The following TAF8 variants were observed in gnomAD, a reference collection of about 807,000 sequenced individuals.
TAF8 encodes transcription initiation factor TFIID subunit 8.
Under a neutral mutation model 36.5 loss-of-function variants are expected in TAF8, and 47 were observed. That is an observed-to-expected ratio of 1.29 (90% CI 1.02 to 1.64). TAF8 has a LOEUF of 1.64. TAF8 is among the 40% of genes most tolerant of loss of function. TAF8 has a pLI of 0.00. For synonymous variants in TAF8, 175 were observed against 159.5 expected (o/e 1.10, Z -0.73); for missense variants, 420 against 407.6 (o/e 1.03, Z -0.26).
chr6:42,077,699 A>G lies in TAF8; in HGVS notation c.*154A>G. ...ATTTTCATGGCAAACCGTCTTATTA[A>G]GATGACCTATTTTCACTGGATGTTT... On this transcript the variant is annotated 3_prime_UTR_variant, in exon 9 of 9. Coordinates refer to ENST00000372977, the MANE Select transcript of TAF8 (RefSeq NM_138572.3). The G allele has an allele frequency of 6.7e-7, 1 of 1,486,776 alleles. No individual in the cohort carries two copies. The allele number at this position is 1,486,776 out of a possible 1,614,324, so 92.1% of individuals were successfully genotyped here.
intron 5 of TAF8, chr6:42,063,491 A>G (rs1479411042): frequency 6.6e-6 from 1 of 152,240 alleles, no homozygotes; most frequent in Non-Finnish European, 1.5e-5. Flanking sequence ...AATGTACATT[A>G]AAAGATAATC....
intron 1 of TAF8, chr6:42,050,962 GT>G: frequency 1.8e-6 from 2 of 1,105,924 alleles, no homozygotes; most frequent in Non-Finnish European, 2.2e-6. Flanking sequence ...GTCACCTCTT[GT>G]TACTGTTTTC....
chr6:42,056,045 A>G (rs774501752), intron 4 of TAF8, 31 bp downstream of exon 4: 1 of 1,426,790 alleles, frequency 7.0e-7, no homozygotes, highest in Non-Finnish European at 9.9e-7. Flanking sequence ...GTACTTAGCA[A>G]TTTTTCAATT....
chr6:42,074,510 C>A (rs992779333), intron 7 of TAF8, among the ~76,000 whole-genome samples: 1 of 152,048 alleles, frequency 6.6e-6, no homozygotes, highest in Non-Finnish European at 1.5e-5. Context: ...CTTTTTTTTA[C>A]AAATCTCTGG....
At chr6:42,054,947 GAGA>G (rs1224457863) in intron 2 of TAF8, among the ~76,000 whole-genome samples, 1 of 86,434 alleles carries the variant, frequency 1.2e-5, no homozygotes, top group Non-Finnish European at 2.3e-5. Flanking sequence ...TTTTTTTTTT[GAGA>G]AGGAGTTCTC....
At chr6:42,070,274 G>A (rs1342776929) in intron 7 of TAF8, among the ~76,000 whole-genome samples, 3 of 152,070 alleles carry the variant, frequency 2.0e-5, no homozygotes, top group African/African-American at 7.2e-5. Context: ...AGATCACGAG[G>A]TCAGGAGATC....
intron 7 of TAF8, among the ~76,000 whole-genome samples, chr6:42,076,529 G>C (rs1185841643): frequency 6.6e-6 from 1 of 152,202 alleles, no homozygotes; most frequent in East Asian, 1.9e-4. Flanking sequence ...GTACCTGCTG[G>C]CTCTGCGTCC....
chr6:42,054,287 C>T (rs1353948759), intron 2 of TAF8, among the ~76,000 whole-genome samples: 1 of 152,102 alleles, frequency 6.6e-6, no homozygotes, highest in African/African-American at 2.4e-5. Flanking sequence ...AGAAAAATTG[C>T]CCATCAGAGA....
rs1765934875 is a variant in TAF8, at chr6:42,081,812, G to A, written c.*4267G>A. The A allele has an allele frequency of 6.6e-6, 1 of 152,110 alleles. No homozygotes were observed. The highest frequency in any genetic ancestry group is 2.4e-5 in the African/African-American group (1 of 41,400). 9.4% of individuals were successfully genotyped at this position (152,110 alleles called of 1,614,324 possible). On this transcript the variant is annotated 3_prime_UTR_variant, in exon 9 of 9. Transcript: ENST00000372977. Reference sequence around the variant, plus strand: ...TGAGCCCCCGCGCCTGGCTCTTCTGGAGTATTTTTAAATGCAAACTCCAGA... The same window carrying A: ...TGAGCCCCCGCGCCTGGCTCTTCTGAAGTATTTTTAAATGCAAACTCCAGA...
At position 42,080,166 on chromosome 6, in the gene TAF8, C is replaced by T; in HGVS notation, c.*2621C>T. On this transcript the variant is annotated 3_prime_UTR_variant, in exon 9 of 9. Coordinates refer to ENST00000372977, the MANE Select transcript of TAF8 (RefSeq NM_138572.3). ...CCTGATAAGTTTATGAACACAGCCC[C>T]ACATTCAAGCCGTGGCCAATCCCAG... 1.0e-6 allele frequency: 1 copy of T among 985,378 alleles called. No homozygotes were observed. Among genetic ancestry groups the T allele is most frequent in the Non-Finnish European group, 1.2e-6 (1 of 829,958 alleles). 61.0% of individuals were successfully genotyped at this position (985,378 alleles called of 1,614,324 possible). A position where few individuals can be genotyped will look rare whatever the true frequency, so the allele number is the denominator to read the frequency against.
At chr6:42,062,427 T>G (rs1489030082) in intron 5 of TAF8, among the ~76,000 whole-genome samples, 1 of 152,142 alleles carries the variant, frequency 6.6e-6, no homozygotes, top group Non-Finnish European at 1.5e-5. Context: ...AGCCAACTTG[T>G]TGATACCCAC....
At chr6:42,051,040 G>A (rs1173669641) in intron 1 of TAF8, 22 of 1,085,940 alleles carry the variant, frequency 2.0e-5, no homozygotes, top group Non-Finnish European at 2.5e-5. Flanking sequence ...TTTTTCTGCG[G>A]GACACGTCTT....
At chr6:42,051,600 G>A in intron 2 of TAF8, 87 bp downstream of exon 2, 2 of 1,461,756 alleles carry the variant, frequency 1.4e-6, no homozygotes, top group South Asian at 2.8e-5. Context: ...GAGGATTTAA[G>A]AAACAAACTT....
At chr6:42,083,775 T>G (rs1005176240), downstream of TAF8, among the ~76,000 whole-genome samples, 2 of 152,042 alleles carry the variant, frequency 1.3e-5, no homozygotes, top group Non-Finnish European at 2.9e-5. Context: ...GCTGGTGACA[T>G]TTAAGCTGGA....
Position 42,051,362 on chromosome 6 carries a change from G to A in TAF8, c.51G>A (p.Ser17=), listed in dbSNP as rs766114440. Residue 17 remains serine (S), a synonymous_variant, in exon 2 of 9, where the codon TCG becomes TCA. Transcript: ENST00000372977. ...TAGAGGSGTR[S]GSKQSTNPAD... The stretch of plus-strand genomic sequence containing the variant: ...ATCTCTCTGCTGATTCACAGAGATC[G>A]GGAAGTAAACAGTCCACTAACCCTG... 6 of 1,611,682 alleles carry A rather than the reference G, an allele frequency of 3.7e-6. No homozygotes were observed. In the African/African-American group the frequency reaches 4.0e-5, roughly 11 times the overall value.
chr6:42,072,781 G>A (rs1335475182), intron 7 of TAF8, among the ~76,000 whole-genome samples: 3 of 151,464 alleles, frequency 2.0e-5, no homozygotes, highest in Non-Finnish European at 2.9e-5. Flanking sequence ...GCAGTGCAGT[G>A]GCGTGATCTC....
chr6:42,064,512 C>T (rs1348028752), intron 5 of TAF8, among the ~76,000 whole-genome samples: 1 of 152,118 alleles, frequency 6.6e-6, no homozygotes, highest in Admixed American at 6.5e-5. Flanking sequence ...GCCTCGGCCT[C>T]CCAAAGTGCT....
rs1366645875 is a variant in TAF8, at chr6:42,082,032, G to T, written c.*4487G>T. 1.1e-4 allele frequency: 17 copies of T among 152,194 alleles called. No homozygotes were observed. The highest frequency in any genetic ancestry group is 1.5e-5 in the Non-Finnish European group (1 of 68,044). The allele number at this position is 152,194 out of a possible 1,614,324, so 9.4% of individuals were successfully genotyped here. On this transcript the variant is annotated 3_prime_UTR_variant, in exon 9 of 9. Transcript: ENST00000372977. Reference sequence around the variant, plus strand: ...TGCAATATCAAAACCCTTGCATTCAGTTTCAGTGTACAATGTAGATGGTAT... The same window carrying T: ...TGCAATATCAAAACCCTTGCATTCATTTTCAGTGTACAATGTAGATGGTAT...
intron 7 of TAF8, 107 bp from the exon 8 acceptor site, chr6:42,076,993 A>T: frequency 7.3e-7 from 1 of 1,366,504 alleles, no homozygotes; most frequent in Non-Finnish European, 9.9e-7. Context: ...GGTGCTTCCC[A>T]GGTTCTAATT....
Sources: allele counts gnomAD v4.1 joint callset (sites outside exome capture counted in the v4.1 genomes callset), GRCh38; gene constraint gnomAD v4.1.1; transcripts MANE v1.5; gene names NCBI Gene and HGNC (gene_info 2026-07-23, HGNC 2026-07-21).